The following FMNL2 variants were observed in gnomAD, a reference collection of about 807,000 sequenced individuals.
FMNL2 encodes the protein formin-like protein 2.
In FMNL2, 51 loss-of-function variants were observed where a neutral mutation model predicts 130.2. The ratio of observed to expected loss-of-function variants is 0.39; its 90% CI spans 0.31 to 0.49. The LOEUF is 0.49. Among genes scored for constraint, FMNL2 ranks in the 20% least tolerant of loss-of-function variants. FMNL2 has a pLI of 0.85. For synonymous variants in FMNL2, 465 were observed against 467.1 expected (o/e 1.00, Z 0.06); for missense variants, 977 against 1,316.2 (o/e 0.74, Z 3.99).
intron 1 of FMNL2, among the ~76,000 whole-genome samples, chr2:152,461,209 G>T (rs1023632584): frequency 1.3e-5 from 2 of 152,154 alleles, no homozygotes; most frequent in Non-Finnish European, 2.9e-5. Flanking sequence ...AGATAAGAAA[G>T]AAACAGTTCA....
chr2:152,376,289 G>C (rs928203192), intron 1 of FMNL2, among the ~76,000 whole-genome samples: 1 of 152,128 alleles, frequency 6.6e-6, no homozygotes, highest in African/African-American at 2.4e-5. Flanking sequence ...CTACTTTCTG[G>C]CTATTATGAA....
chr2:152,553,649 GA>G (rs1468789200), intron 4 of FMNL2, among the ~76,000 whole-genome samples: 1 of 149,636 alleles, frequency 6.7e-6, no homozygotes, highest in African/African-American at 2.5e-5. Context: ...TATAATATTA[GA>G]AATTAAAACT....
At chr2:152,412,291 GAT>G (rs1170159151) in intron 1 of FMNL2, among the ~76,000 whole-genome samples, 1 of 151,630 alleles carries the variant, frequency 6.6e-6, no homozygotes, top group Non-Finnish European at 1.5e-5. Flanking sequence ...AATACCAAAA[GAT>G]AGACTTTTTC....
At chr2:152,400,287 G>T (rs1685615333) in intron 1 of FMNL2, among the ~76,000 whole-genome samples, 2 of 152,102 alleles carry the variant, frequency 1.3e-5, no homozygotes, top group African/African-American at 4.8e-5. Flanking sequence ...ACAAAAAGCA[G>T]CTGGATGTGG....
At chr2:152,615,357 G>T (rs145159612) in intron 12 of FMNL2, among the ~76,000 whole-genome samples, 5 of 152,226 alleles carry the variant, frequency 3.3e-5, no homozygotes, top group Admixed American at 6.5e-5. Flanking sequence ...AGGCGAAGAG[G>T]TATCTTCTTA....
chr2:152,502,412 C>A (rs549684851), intron 1 of FMNL2, among the ~76,000 whole-genome samples: 8 of 152,232 alleles, frequency 5.3e-5, no homozygotes, highest in African/African-American at 1.4e-4. Context: ...TTGGGCCGGG[C>A]GTGGTGGCTC....
intron 7 of FMNL2, among the ~76,000 whole-genome samples, chr2:152,576,153 T>C (rs950580679): frequency 3.9e-5 from 6 of 152,082 alleles, no homozygotes; most frequent in Non-Finnish European, 8.8e-5. Context: ...AAGTGGGAGA[T>C]AAATACATAG....
At position 152,478,229 on chromosome 2, in the gene FMNL2, CATATAT is replaced by C. The variant is rs1553462980; in HGVS notation, c.118-43697_118-43692del. ...TACTTAATATACGTATACATATATA[CATATAT>C]ATATATATATATATATTTTTTTTTT... is the stretch of plus-strand genomic sequence containing the variant. On this transcript the variant is annotated intron_variant, in intron 1 of 25. Transcript: ENST00000288670. Among the ~76,000 whole-genome samples, 271 of 116,858 alleles carry C rather than the reference CATATAT, an allele frequency of 2.3e-3. 5 individuals are homozygous for C. The highest frequency in any genetic ancestry group is 8.0e-3 in the African/African-American group (248 of 30,912). The allele number at this position is 116,858 out of a possible 152,430, so 76.7% of individuals were successfully genotyped here. A position where few individuals can be genotyped will look rare whatever the true frequency, so the allele number is the denominator to read the frequency against.
chr2:152,388,121 A>T (rs1376070534), intron 1 of FMNL2, among the ~76,000 whole-genome samples: 1 of 152,152 alleles, frequency 6.6e-6, no homozygotes, highest in Non-Finnish European at 1.5e-5. Context: ...ACTTCCGGGT[A>T]ATGTAGTTTA....
At chr2:152,400,241 G>A (rs1393835097) in intron 1 of FMNL2, among the ~76,000 whole-genome samples, 1 of 152,226 alleles carries the variant, frequency 6.6e-6, no homozygotes, top group East Asian at 1.9e-4. Context: ...AGACTAGCCT[G>A]GCCAACATGG....
chr2:152,541,219 C>T (rs6721601), intron 2 of FMNL2, among the ~76,000 whole-genome samples: 35,381 of 151,818 alleles, frequency 0.23, 4,313 homozygotes, highest in East Asian at 0.38. Context: ...TGCAGTGGCA[C>T]GATCAGGGCT....
intron 1 of FMNL2, among the ~76,000 whole-genome samples, chr2:152,399,767 G>A (rs2346200): frequency 0.65 from 98,554 of 152,118 alleles, 32,685 homozygotes; most frequent in South Asian, 0.8. Context: ...AGGCTGGGAA[G>A]TGAGGAAGCA....
chr2:152,447,540 C>A (rs1239865459), intron 1 of FMNL2, among the ~76,000 whole-genome samples: 5 of 152,116 alleles, frequency 3.3e-5, no homozygotes, highest in African/African-American at 1.2e-4. Flanking sequence ...AGCTTCATGC[C>A]ATTTTACAGT....
intron 23 of FMNL2, among the ~76,000 whole-genome samples, chr2:152,638,958 G>A (rs1664089649): frequency 6.6e-6 from 1 of 152,242 alleles, no homozygotes; most frequent in Non-Finnish European, 1.5e-5. Flanking sequence ...GATATGCGTG[G>A]AGCAGAGGAA....
intron 2 of FMNL2, among the ~76,000 whole-genome samples, chr2:152,538,708 T>C (rs573930433): frequency 2.0e-5 from 3 of 152,258 alleles, no homozygotes; most frequent in East Asian, 1.9e-4. Context: ...AAAAGTGTTA[T>C]GGAGGAAGAA....
chr2:152,499,498 C>T (rs1691691148), intron 1 of FMNL2, among the ~76,000 whole-genome samples: 1 of 151,962 alleles, frequency 6.6e-6, no homozygotes, highest in Non-Finnish European at 1.5e-5. Flanking sequence ...ATTAGTTATT[C>T]AAGGCCACCT....
chr2:152,494,534 T>C (rs951767270), intron 1 of FMNL2, among the ~76,000 whole-genome samples: 21 of 152,222 alleles, frequency 1.4e-4, no homozygotes, highest in Non-Finnish European at 2.8e-4. Context: ...AAAATACGGG[T>C]ATCAAATTAA....
At chr2:152,452,769 T>TGGGGAGGGCTGTCGAG in intron 1 of FMNL2, among the ~76,000 whole-genome samples, 1 of 152,042 alleles carries the variant, frequency 6.6e-6, no homozygotes, top group Admixed American at 6.5e-5. Context: ...GAGGGCCCGA[T>TGGGGAGGGCTGTCGAG]GGGGAGGGCT....
At chr2:152,412,364 A>G (rs1025351704) in intron 1 of FMNL2, among the ~76,000 whole-genome samples, 2 of 149,424 alleles carry the variant, frequency 1.3e-5, no homozygotes, top group Admixed American at 1.3e-4. Context: ...ATTTTGGTGG[A>G]ATGCCGTTTA....
Sources: allele counts gnomAD v4.1 joint callset (sites outside exome capture counted in the v4.1 genomes callset), GRCh38; gene constraint gnomAD v4.1.1; transcripts MANE v1.5; gene names NCBI Gene and HGNC (gene_info 2026-07-23, HGNC 2026-07-21).